Variants in MPPED2 observed in about 807,000 individuals in gnomAD.
MPPED2 encodes the protein metallophosphoesterase domain containing 2, also known as metallophosphoesterase MPPED2.
In MPPED2, 5 loss-of-function variants were observed where a neutral mutation model predicts 33.0. That is an observed-to-expected ratio of 0.15 (90% CI 0.08 to 0.32). MPPED2 has a LOEUF of 0.32. Ranked by LOEUF, MPPED2 falls within the 10% of genes least tolerant of loss-of-function variation. MPPED2 has a pLI of 1.00. For synonymous variants in MPPED2, 136 were observed against 141.9 expected (o/e 0.96, Z 0.29); for missense variants, 275 against 372.1 (o/e 0.74, Z 2.15).
rs200233705 is a variant in MPPED2, at chr11:30,495,474, G to A, written c.358C>T (p.Leu120=). The change falls in exon 4 of 7, where the codon CTG becomes TTG. Residue 120 remains leucine, a synonymous_variant. Coordinates refer to ENST00000358117, the MANE Select transcript of MPPED2 (RefSeq NM_001584.3). ...GCCATGAATTCCTTATCAAATGTCA[G>A]TTCATGATTCCCAGCAATCACTATT... ...YKIVIAGNHE[L]TFDKEFMADL... 1 of 1,614,126 alleles carries A rather than the reference G, an allele frequency of 6.2e-7. No individual in the cohort carries two copies. Among genetic ancestry groups the A allele is most frequent in the East Asian group, 2.2e-5 (1 of 44,866 alleles).
chr11:30,473,216 T>C (rs186547769), intron 4 of MPPED2, among the ~76,000 whole-genome samples: 1 of 152,358 alleles, frequency 6.6e-6, no homozygotes, highest in East Asian at 1.9e-4. Flanking sequence ...ATACAAGCCT[T>C]GGCATGTATC....
At chr11:30,578,414 T>G (rs550647314) in intron 2 of MPPED2, among the ~76,000 whole-genome samples, 8 of 152,284 alleles carry the variant, frequency 5.3e-5, no homozygotes, top group African/African-American at 1.9e-4. Context: ...GCTGTCTAGG[T>G]TGCCCCATTT....
chr11:30,407,067 T>C (rs1948001778), downstream of MPPED2, among the ~76,000 whole-genome samples: 1 of 152,188 alleles, frequency 6.6e-6, no homozygotes, highest in Non-Finnish European at 1.5e-5. Context: ...TCCCAAATCC[T>C]CCCAGCTTCC....
At chr11:30,524,831 A>T (rs1954079580) in intron 3 of MPPED2, among the ~76,000 whole-genome samples, 2 of 152,198 alleles carry the variant, frequency 1.3e-5, no homozygotes, top group Non-Finnish European at 2.9e-5. Context: ...GATATATTTC[A>T]GTTTGAGGTA....
chr11:30,433,208 T>C (rs2097286343), intron 4 of MPPED2, among the ~76,000 whole-genome samples: 1 of 152,214 alleles, frequency 6.6e-6, no homozygotes, highest in Admixed American at 6.5e-5. Context: ...GTTTGAGAAA[T>C]GTTCCTGCAT....
At chr11:30,519,719 C>T (rs893100613) in intron 3 of MPPED2, among the ~76,000 whole-genome samples, 3 of 151,980 alleles carry the variant, frequency 2.0e-5, no homozygotes, top group African/African-American at 7.3e-5. Flanking sequence ...TCCTAAATTA[C>T]AGCTAACTAT....
chr11:30,515,854 T>C (rs966529242), intron 3 of MPPED2, among the ~76,000 whole-genome samples: 3 of 152,146 alleles, frequency 2.0e-5, no homozygotes, highest in Non-Finnish European at 4.4e-5. Flanking sequence ...CAAGCGAAGA[T>C]CACAATCATT....
At chr11:30,459,640 GCT>G (rs1286494722) in intron 4 of MPPED2, among the ~76,000 whole-genome samples, 3 of 151,958 alleles carry the variant, frequency 2.0e-5, no homozygotes, top group African/African-American at 7.3e-5. Context: ...TCACATAGAA[GCT>G]CTCTCTCTCT....
At chr11:30,525,536 TG>T (rs1426577690) in intron 3 of MPPED2, among the ~76,000 whole-genome samples, 2 of 152,214 alleles carry the variant, frequency 1.3e-5, no homozygotes, top group African/African-American at 2.4e-5. Flanking sequence ...GTCTTGCCTA[TG>T]TTTTTTTCTC....
chr11:30,393,825 T>G (rs1207606779), intron 6 of MPPED2, among the ~76,000 whole-genome samples: 1 of 152,202 alleles, frequency 6.6e-6, no homozygotes, highest in Non-Finnish European at 1.5e-5. Flanking sequence ...TTAATCTGAC[T>G]TGTTTTTGGT....
At chr11:30,512,944 A>T (rs12417764) in intron 3 of MPPED2, among the ~76,000 whole-genome samples, 15,499 of 151,762 alleles carry the variant, frequency 0.1, 922 homozygotes, top group East Asian at 0.22. Context: ...AGTTGCGCTG[A>T]CCCAAGATCA....
intron 4 of MPPED2, among the ~76,000 whole-genome samples, chr11:30,420,915 A>G (rs1948581814): frequency 6.6e-6 from 1 of 152,232 alleles, no homozygotes; most frequent in African/African-American, 2.4e-5. Flanking sequence ...AAGTAAAAAC[A>G]AAACAAAAAG....
chr11:30,559,731 G>A (rs971316351), intron 2 of MPPED2, among the ~76,000 whole-genome samples: 1 of 151,528 alleles, frequency 6.6e-6, no homozygotes, highest in African/African-American at 2.4e-5. Context: ...TTCCATGTGA[G>A]GCATACTAAA....
intron 4 of MPPED2, among the ~76,000 whole-genome samples, chr11:30,457,898 A>G (rs1287560370): frequency 6.6e-6 from 1 of 152,196 alleles, no homozygotes; most frequent in African/African-American, 2.4e-5. Context: ...ATATGAATCA[A>G]TCCTAACACA....
intron 6 of MPPED2, among the ~76,000 whole-genome samples, chr11:30,399,152 AG>A (rs1248341668): frequency 1.7e-5 from 2 of 116,370 alleles, no homozygotes; most frequent in East Asian, 4.2e-4. Context: ...CATTAAAAAA[AG>A]ATCCAATACT....
chr11:30,501,016 C>T (rs941066798), intron 3 of MPPED2, among the ~76,000 whole-genome samples: 7 of 152,162 alleles, frequency 4.6e-5, no homozygotes, highest in Admixed American at 1.3e-4. Flanking sequence ...GACTAATCTC[C>T]AACTCTTTTT....
intron 6 of MPPED2, among the ~76,000 whole-genome samples, chr11:30,412,233 C>T (rs1447990075): frequency 6.7e-6 from 1 of 149,180 alleles, no homozygotes; most frequent in African/African-American, 2.5e-5. Context: ...GTTTCCTAAG[C>T]TTACCTGGAT....
chr11:30,545,874 T>C (rs1438136936), intron 2 of MPPED2, among the ~76,000 whole-genome samples: 3 of 138,792 alleles, frequency 2.2e-5, no homozygotes, highest in Non-Finnish European at 5.0e-5. Context: ...CATATATATA[T>C]TTTTTTTAGA....
At chr11:30,417,908 C>T (rs771547236) in intron 4 of MPPED2, among the ~76,000 whole-genome samples, 26 of 152,136 alleles carry the variant, frequency 1.7e-4, no homozygotes, top group Non-Finnish European at 3.1e-4. Context: ...CTTGACAATG[C>T]TTTGTCTTCC....
Sources: gnomAD v4.1 joint callset for allele counts (sites outside exome capture counted in the v4.1 genomes callset) on GRCh38, gnomAD v4.1.1 for gene constraint, MANE v1.5 for transcripts, NCBI Gene and HGNC (gene_info 2026-07-23, HGNC 2026-07-21) for gene names.